The following SMTN variants were observed in gnomAD, a reference collection of about 807,000 sequenced individuals.
The protein encoded by SMTN is smoothelin.
A neutral mutation model predicts 102.0 loss-of-function variants in SMTN; 58 were observed. That is an observed-to-expected ratio of 0.57 (90% confidence interval 0.46 to 0.71). The LOEUF (loss-of-function observed/expected upper bound fraction) is 0.71. Ranked by LOEUF, SMTN falls within the 30% of genes least tolerant of loss-of-function variation. The probability of loss-of-function intolerance (pLI) is 0.00; values close to 1 mark genes in which losing one functional copy is unlikely to be tolerated. For synonymous variants in SMTN, 478 were observed against 497.9 expected (o/e 0.96, Z 0.53); for missense variants, 1,185 against 1,241.7 (o/e 0.95, Z 0.69).
chr22:31,091,426 G>T lies in SMTN; in HGVS notation c.1403G>T (p.Gly468Val). The T allele has an allele frequency of 6.4e-7, 1 of 1,553,096 alleles. No homozygotes were observed. The highest frequency in any genetic ancestry group is 8.7e-7 in the Non-Finnish European group (1 of 1,154,182). ...ACATTCACCATCGAGATCAAGGACG[G>T]CCGTGGCCAGGCCTCCACAGGCCGG... ...KTTFTIEIKD[G>V]RGQASTGRVL... The change falls in exon 10 of 21, where the codon GGC becomes GTC. Residue 468 changes from glycine to valine, a missense_variant. By Grantham distance (109) the Gly-to-Val change is moderately radical. Around this residue, in one of 2 missense-constraint regions of SMTN, gnomAD observed 1,096 missense variants for 1,112.7 expected, o/e 0.98. Transcript: ENST00000333137.
intron 8 of SMTN, among the ~76,000 whole-genome samples, chr22:31,090,493 C>T (rs1022356329): frequency 6.6e-6 from 1 of 152,120 alleles, no homozygotes; most frequent in African/African-American, 2.4e-5. Flanking sequence ...GAGGGCTGTC[C>T]CCCCTCCCCA....
At chr22:31,078,531 C>T (rs1384240628), upstream of SMTN, among the ~76,000 whole-genome samples, 3 of 152,246 alleles carry the variant, frequency 2.0e-5, no homozygotes, top group Admixed American at 6.5e-5. Context: ...CCAGGCCTCT[C>T]TGGTGCCCAC....
intron 19 of SMTN, 95 bp downstream of exon 19, chr22:31,099,991 C>T (rs1341291691): frequency 2.4e-6 from 3 of 1,257,780 alleles, no homozygotes; most frequent in Non-Finnish European, 3.3e-6. Context: ...TGGAGCGGGC[C>T]AGCCACATTG....
Position 31,095,180 on chromosome 22 carries a change from C to A in SMTN, c.1633-123C>A. 2 of 984,332 alleles carry A rather than the reference C, an allele frequency of 2.0e-6. No homozygotes were observed. The highest frequency in any genetic ancestry group is 3.0e-6 in the Non-Finnish European group (2 of 668,744). The allele number at this position is 984,332 out of a possible 1,614,324, so 61.0% of individuals were successfully genotyped here. A position where few individuals can be genotyped will look rare whatever the true frequency, so the allele number is the denominator to read the frequency against. ...GGCCATCTTTGGGCAGGCAGGCTGG[C>A]AGGCTAGTGGTTATTTCCAAGGCGT... is the stretch of plus-strand genomic sequence containing the variant. On this transcript the variant is annotated intron_variant, in intron 11 of 20. Transcript: ENST00000333137. The surrounding 1 kb of genome is among the most constrained non-coding windows in gnomAD (Gnocchi z 4.1).
In SMTN at chr22:31,104,509, C is replaced by A; in HGVS notation, c.*214C>A. 6.2e-7 allele frequency: 1 copy of A among 1,602,220 alleles called. No homozygotes were observed. Among genetic ancestry groups the A allele is most frequent in the Non-Finnish European group, 8.5e-7 (1 of 1,176,278 alleles). The stretch of plus-strand genomic sequence containing the variant: ...CCAGCCAGTGGCAAGCTGCCGCCCC[C>A]ACTCTCCGGGCACCGTCTCCTGCCT... On this transcript the variant is annotated 3_prime_UTR_variant, in exon 21 of 21. Coordinates refer to ENST00000333137, the MANE Select transcript of SMTN (RefSeq NM_134269.3).
intron 8 of SMTN, 24 bp from the exon 9 acceptor site, chr22:31,090,784 A>G: frequency 1.3e-6 from 2 of 1,591,476 alleles, no homozygotes; most frequent in Non-Finnish European, 1.7e-6. Context: ...CCACATGGCC[A>G]TCACCCCCTC....
At chr22:31,065,290 T>A (rs550403247) in intron 1 of SMTN, 2 of 152,298 alleles carry the variant, frequency 1.3e-5, no homozygotes, top group African/African-American at 2.4e-5. Flanking sequence ...TAATTAGTAA[T>A]TATCTTGTGG....
chr22:31,099,501 G>A, intron 18 of SMTN: 1 of 590,632 alleles, frequency 1.7e-6, no homozygotes, highest in Non-Finnish European at 3.0e-6. Context: ...GGAGTGATGA[G>A]GCATGACCAT....
chr22:31,103,116 T>A (rs1230719284), intron 20 of SMTN: 3 of 152,138 alleles, frequency 2.0e-5, no homozygotes, highest in African/African-American at 7.2e-5. Context: ...GCCTCCCAGG[T>A]TTCTTCTCTG....
intron 1 of SMTN, among the ~76,000 whole-genome samples, chr22:31,071,954 C>A (rs1406055326): frequency 1.3e-5 from 2 of 152,130 alleles, no homozygotes; most frequent in Non-Finnish European, 2.9e-5. Flanking sequence ...CCTCAGCCCC[C>A]CAAAGTGCTG....
chr22:31,084,661 C>T (rs1274508801), intron 2 of SMTN, among the ~76,000 whole-genome samples: 1 of 152,264 alleles, frequency 6.6e-6, no homozygotes, highest in Non-Finnish European at 1.5e-5. Flanking sequence ...TATCCACAGG[C>T]AGGCTCAGGG....
chr22:31,095,472 T>C lies in SMTN; in HGVS notation c.1785+17T>C, dbSNP rs753507740. On this transcript the variant is annotated intron_variant, in intron 12 of 20. Transcript: ENST00000333137. The surrounding 1 kb of genome is among the most constrained non-coding windows in gnomAD (Gnocchi z 4.1). ...GACAAGATGGTATAGCCAGATCCGG[T>C]GGGCTGGGGGTTGGCAGAGGCCAGC... The C allele has an allele frequency of 5.6e-6, 9 of 1,614,176 alleles. 1 individual carries two copies. Among genetic ancestry groups the C allele is most frequent in the Middle Eastern group, 1.6e-4 (1 of 6,062 alleles).
At chr22:31,091,650 GA>G (rs2043142291) in intron 10 of SMTN, 24 bp from the exon 11 acceptor site, 9 of 1,563,764 alleles carry the variant, frequency 5.8e-6, no homozygotes, top group Non-Finnish European at 7.0e-6. Context: ...TGATCCTCCT[GA>G]CAGCCACCTT....
At chr22:31,088,357 A>G in intron 3 of SMTN, 156 bp from the exon 4 acceptor site, 1 of 772,970 alleles carries the variant, frequency 1.3e-6, no homozygotes, top group Non-Finnish European at 2.1e-6. Flanking sequence ...GCCCACGTCC[A>G]TGGGCATATG....
chr22:31,100,851 C>T, intron 19 of SMTN, 34 bp from the exon 20 acceptor site: 16 of 614,500 alleles, frequency 2.6e-5, no homozygotes, highest in South Asian at 3.2e-5. Flanking sequence ...CTGCCCCCGT[C>T]CCCCACCCCT....
chr22:31,086,157 G>T (rs573020281), intron 2 of SMTN, among the ~76,000 whole-genome samples: 1 of 152,182 alleles, frequency 6.6e-6, no homozygotes, highest in Admixed American at 6.5e-5. Flanking sequence ...CTGCTATAAG[G>T]CCTCCTTAGG....
upstream of SMTN, among the ~76,000 whole-genome samples, chr22:31,078,708 T>C (rs2042188669): frequency 6.6e-6 from 1 of 152,142 alleles, no homozygotes; most frequent in African/African-American, 2.4e-5. Flanking sequence ...CCCCCTCTTC[T>C]ATGTGGGATG....
At position 31,095,323 on chromosome 22, in the gene SMTN, G is replaced by C. The variant is rs542638871; in HGVS notation, c.1653G>C (p.Glu551Asp). The C allele has an allele frequency of 1.9e-6, 3 of 1,614,022 alleles. No individual in the cohort carries two copies. In the Admixed American group the frequency reaches 5.0e-5, roughly 27 times the overall value. Reference protein sequence around the residue: ...CSIKMEAEPAEPLAAAVEAAN... With the variant: ...CSIKMEAEPADPLAAAVEAAN... ...TGCAGATGGAAGCAGAGCCAGCAGA[G>C]CCTCTCGCTGCAGCAGTGGAAGCGG... The change falls in exon 12 of 21, where the codon GAG becomes GAC. Residue 551 changes from glutamate to aspartate, a missense_variant. Physicochemically the swap from Glu to Asp is conservative, Grantham distance 45. Transcript: ENST00000333137. The surrounding 1 kb of genome is among the most constrained non-coding windows in gnomAD (Gnocchi z 4.1).
At chr22:31,097,227 C>T in intron 15 of SMTN, 42 bp from the exon 16 acceptor site, 5 of 1,601,984 alleles carry the variant, frequency 3.1e-6, no homozygotes, top group Non-Finnish European at 4.3e-6. Flanking sequence ...TCCTGATGTC[C>T]AGCCCAGGCC....
Sources: gnomAD v4.1 joint callset for allele counts (sites outside exome capture counted in the v4.1 genomes callset) on GRCh38, gnomAD v4.1.1 for gene constraint, gnomAD v4.1.1 regional missense constraint, Gnocchi (gnomAD v3.1) non-coding constraint, MANE v1.5 for transcripts, NCBI Gene and HGNC (gene_info 2026-07-23, HGNC 2026-07-21) for gene names.